The following DDAH1 variants were observed in gnomAD, a reference collection of about 807,000 sequenced individuals.
DDAH1 encodes the protein dimethylarginine dimethylaminohydrolase 1.
Under a neutral mutation model 28.8 loss-of-function variants are expected in DDAH1, and 19 were observed. That is an observed-to-expected ratio of 0.66 (90% confidence interval 0.46 to 0.97). The LOEUF (loss-of-function observed/expected upper bound fraction) is 0.97. Among genes scored for constraint, DDAH1 ranks in the 50% least tolerant of loss-of-function variants. The probability of loss-of-function intolerance (pLI) is 0.00; values close to 1 mark genes in which losing one functional copy is unlikely to be tolerated. For synonymous variants in DDAH1, 153 were observed against 154.4 expected (o/e 0.99, Z 0.07); for missense variants, 326 against 375.9 (o/e 0.87, Z 1.10).
At chr1:85,458,588 T>G (rs1655001681) in intron 1 of DDAH1, among the ~76,000 whole-genome samples, 1 of 151,992 alleles carries the variant, frequency 6.6e-6, no homozygotes, top group African/African-American at 2.4e-5. Flanking sequence ...CACACACATT[T>G]TAAAATGGGA....
chr1:85,464,699 G>C lies in DDAH1; in HGVS notation c.303+44C>G. On this transcript the variant is annotated intron_variant, in intron 1 of 5. Coordinates refer to ENST00000284031, the MANE Select transcript of DDAH1 (RefSeq NM_012137.4). The surrounding 1 kb of genome is among the most constrained non-coding windows in gnomAD (Gnocchi z 4.4). ...AACACGGCGGCCGGCGGCGGGGGAG[G>C]GCCTGGCGCGCGCCCCGGCCGCGCC... The C allele has an allele frequency of 2.1e-6, 3 of 1,435,156 alleles. No homozygotes were observed. Among genetic ancestry groups the C allele is most frequent in the Non-Finnish European group, 2.7e-6 (3 of 1,100,788 alleles). The allele number at this position is 1,435,156 out of a possible 1,614,324, so 88.9% of individuals were successfully genotyped here. A position where few individuals can be genotyped will look rare whatever the true frequency, so the allele number is the denominator to read the frequency against.
At chr1:85,453,230 C>T (rs1654743494) in intron 1 of DDAH1, among the ~76,000 whole-genome samples, 1 of 152,172 alleles carries the variant, frequency 6.6e-6, no homozygotes, top group Non-Finnish European at 1.5e-5. Flanking sequence ...CAAGAAACTT[C>T]CTTCTGAGGA....
chr1:85,462,384 A>C (rs770359510), intron 1 of DDAH1, among the ~76,000 whole-genome samples: 2 of 152,174 alleles, frequency 1.3e-5, no homozygotes, highest in African/African-American at 2.4e-5. Flanking sequence ...GGACAGGATC[A>C]GATCTGAGTT....
intron 1 of DDAH1, among the ~76,000 whole-genome samples, chr1:85,504,473 G>A (rs184131530): frequency 1.9e-4 from 29 of 152,276 alleles, no homozygotes; most frequent in Non-Finnish European, 3.7e-4. Flanking sequence ...TCACCATAGT[G>A]CTATAGAAGA....
At chr1:85,356,953 G>T in intron 2 of DDAH1, among the ~76,000 whole-genome samples, 1 of 152,218 alleles carries the variant, frequency 6.6e-6, no homozygotes, top group East Asian at 1.9e-4. Flanking sequence ...TATTTCAAAT[G>T]TTAACAGTAC....
In DDAH1 at chr1:85,553,928, A is replaced by T. The variant is rs1658880843; in HGVS notation, c.-123+24056T>A. Among the ~76,000 whole-genome samples, 4 of 152,092 alleles carry T rather than the reference A, an allele frequency of 2.6e-5. No homozygotes were observed. The South Asian group carries it at 8.3e-4, about 32-fold the overall frequency. On this transcript the variant is annotated intron_variant, in intron 1 of 6. Transcript: ENST00000426972. ...GGACTTTCTGGGGATTCTGGCTGGG[A>T]GTTGTCTGTCTTGGTTCATAAGGAA...
chr1:85,429,297 A>G (rs985681620), intron 1 of DDAH1, among the ~76,000 whole-genome samples: 4 of 151,968 alleles, frequency 2.6e-5, no homozygotes, highest in Non-Finnish European at 5.9e-5. Flanking sequence ...TAGTTTGCTG[A>G]GAATGAGGGT....
chr1:85,568,514 T>G (rs1659368915), intron 1 of DDAH1, among the ~76,000 whole-genome samples: 1 of 152,066 alleles, frequency 6.6e-6, no homozygotes, highest in Non-Finnish European at 1.5e-5. Context: ...TCATTTCAAG[T>G]AAGGCCAAGA....
intron 1 of DDAH1, among the ~76,000 whole-genome samples, chr1:85,372,501 T>C (rs1485418720): frequency 6.6e-6 from 1 of 152,178 alleles, no homozygotes; most frequent in Non-Finnish European, 1.5e-5. Context: ...AAACTAATTA[T>C]CATCTAGCTA....
chr1:85,390,766 T>A (rs529991562), intron 1 of DDAH1, among the ~76,000 whole-genome samples: 2 of 152,256 alleles, frequency 1.3e-5, no homozygotes, highest in East Asian at 3.9e-4. Flanking sequence ...AAAAATGGGA[T>A]CCTTAATTTC....
intron 1 of DDAH1, among the ~76,000 whole-genome samples, chr1:85,420,642 C>CTT (rs983664267): frequency 5.3e-5 from 8 of 152,190 alleles, no homozygotes; most frequent in African/African-American, 1.9e-4. Context: ...GTAGCCTGGA[C>CTT]TTCACTGTGC....
chr1:85,460,572 C>T (rs1183343875), intron 1 of DDAH1, among the ~76,000 whole-genome samples: 1 of 152,014 alleles, frequency 6.6e-6, no homozygotes. Context: ...CAATCCTAGT[C>T]AACAGGGTAC....
chr1:85,402,920 A>ACC (rs1652214768), intron 1 of DDAH1, among the ~76,000 whole-genome samples: 2 of 151,924 alleles, frequency 1.3e-5, no homozygotes, highest in Non-Finnish European at 2.9e-5. Flanking sequence ...AAAAAAAAAA[A>ACC]AAAAAACTTC....
chr1:85,511,576 A>G (rs1657235071), intron 1 of DDAH1, among the ~76,000 whole-genome samples: 1 of 152,190 alleles, frequency 6.6e-6, no homozygotes, highest in South Asian at 2.1e-4. Flanking sequence ...TTTTTTGAAA[A>G]GATCAACAAA....
intron 1 of DDAH1, among the ~76,000 whole-genome samples, chr1:85,507,076 C>G (rs546140000): frequency 1.3e-5 from 2 of 152,076 alleles, no homozygotes; most frequent in African/African-American, 4.8e-5. Flanking sequence ...GTAGATGCAA[C>G]AATTGTTACT....
chr1:85,338,621 C>T (rs1189702673), intron 4 of DDAH1, among the ~76,000 whole-genome samples: 1 of 152,138 alleles, frequency 6.6e-6, no homozygotes, highest in Non-Finnish European at 1.5e-5. Context: ...CGCCATGGTT[C>T]CCAGTCTTGC....
chr1:85,363,753 C>T (rs1258673667), intron 1 of DDAH1, among the ~76,000 whole-genome samples: 2 of 152,184 alleles, frequency 1.3e-5, no homozygotes, highest in Admixed American at 6.5e-5. Flanking sequence ...CTACTTTAAA[C>T]TTCTTTGTTA....
chr1:85,461,786 C>T (rs1375894866), intron 1 of DDAH1, among the ~76,000 whole-genome samples: 1 of 152,144 alleles, frequency 6.6e-6, no homozygotes, highest in African/African-American at 2.4e-5. Flanking sequence ...GAACGGTAAA[C>T]AGGCAATTAT....
rs141441297 is a variant in DDAH1, at chr1:85,425,534, T to C, written c.303+39209A>G. 9.8e-5 allele frequency among the ~76,000 whole-genome samples: 15 copies of C among 152,290 alleles called. No individual in the cohort carries two copies. In the East Asian group the frequency reaches 2.1e-3, roughly 22 times the overall value. On this transcript the variant is annotated intron_variant, in intron 1 of 5. Coordinates refer to ENST00000284031, the MANE Select transcript of DDAH1 (RefSeq NM_012137.4). ...GCATTCTTAAGCAGAAACACCAGAATACTTAACAACTGTTTTCCAAGTCTG... is the reference window on the plus strand; with the variant it reads ...GCATTCTTAAGCAGAAACACCAGAACACTTAACAACTGTTTTCCAAGTCTG...
Sources: gnomAD v4.1 joint callset for allele counts (sites outside exome capture counted in the v4.1 genomes callset) on GRCh38, gnomAD v4.1.1 for gene constraint, Gnocchi (gnomAD v3.1) non-coding constraint, MANE v1.5 for transcripts, NCBI Gene and HGNC (gene_info 2026-07-23, HGNC 2026-07-21) for gene names.